TGFBR3: variants seen among roughly 807,000 people sequenced by gnomAD.
TGFBR3 encodes the protein transforming growth factor beta receptor type 3.
In TGFBR3, 46 loss-of-function variants were observed where a neutral mutation model predicts 87.9. The ratio of observed to expected loss-of-function variants is 0.52; its 90% CI spans 0.41 to 0.67. The LOEUF (loss-of-function observed/expected upper bound fraction) is 0.67. Among genes scored for constraint, TGFBR3 ranks in the 30% least tolerant of loss-of-function variants. The pLI, the probability that TGFBR3 is intolerant of heterozygous loss-of-function variation, is 0.00. For synonymous variants in TGFBR3, 381 were observed against 391.6 expected (o/e 0.97, Z 0.32); for missense variants, 866 against 1,041.9 (o/e 0.83, Z 2.32).
chr1:91,779,698 A>G (rs916869038), intron 3 of TGFBR3, among the ~76,000 whole-genome samples: 7 of 152,196 alleles, frequency 4.6e-5, no homozygotes, highest in Admixed American at 1.3e-4. Flanking sequence ...TGGGGAACAC[A>G]GGAGTAAACA....
intron 2 of TGFBR3, among the ~76,000 whole-genome samples, chr1:91,853,176 A>G (rs1462500550): frequency 6.6e-6 from 1 of 151,328 alleles, no homozygotes; most frequent in Non-Finnish European, 1.5e-5. Flanking sequence ...CAAATAAAAT[A>G]AAAATAAGAT....
chr1:91,873,282 C>CTTTTTTTT (rs34364302), intron 1 of TGFBR3, among the ~76,000 whole-genome samples: 1 of 100,948 alleles, frequency 9.9e-6, no homozygotes, highest in African/African-American at 3.7e-5. Flanking sequence ...ATTTTCCCTT[C>CTTTTTTTT]TTTTTTTTTT....
intron 1 of TGFBR3, among the ~76,000 whole-genome samples, chr1:91,905,035 T>C (rs747454518): frequency 9.2e-5 from 14 of 152,156 alleles, no homozygotes; most frequent in Non-Finnish European, 1.9e-4. Context: ...CAATCACACC[T>C]ACCTTTTAGG....
In TGFBR3 at chr1:91,720,161, G is replaced by T; in HGVS notation, c.1145C>A (p.Ala382Asp). 1 of 1,613,760 alleles carries T rather than the reference G, an allele frequency of 6.2e-7. No homozygotes were observed. The highest frequency in any genetic ancestry group is 8.5e-7 in the Non-Finnish European group (1 of 1,179,870). ...GGGCGGGTTCTGCAGGGCAGGCAGG[G>T]CACCAGGGTCCAGCAGGATCCGTAG... ...PELRILLDPG[A>D]LPALQNPPIR... Residue 382 changes from alanine (A) to aspartate (D), a missense_variant, in exon 9 of 17, where the codon GCC becomes GAC. Coordinates refer to ENST00000212355, the MANE Select transcript of TGFBR3 (RefSeq NM_003243.5).
At chr1:91,701,174 C>A (rs1333124251) in intron 14 of TGFBR3, among the ~76,000 whole-genome samples, 4 of 152,006 alleles carry the variant, frequency 2.6e-5, no homozygotes, top group Non-Finnish European at 5.9e-5. Context: ...TACCCCCACC[C>A]CAAATAGGAG....
At position 91,753,390 on chromosome 1, in the gene TGFBR3, CAAAAAA is replaced by C. The variant is rs71586711; in HGVS notation, c.384+5217_384+5222del. Among the ~76,000 whole-genome samples the C allele has an allele frequency of 9.3e-3, 485 of 52,318 alleles. 1 individual carries two copies. The highest frequency in any genetic ancestry group is 0.041 in the African/African-American group (457 of 11,238). 34.3% of individuals were successfully genotyped at this position (52,318 alleles called of 152,430 possible). A position where few individuals can be genotyped will look rare whatever the true frequency, so the allele number is the denominator to read the frequency against. ...GAGTAAGGGAGTGAGACTCTGTCCTCAAAAAAAAAAAAAAAAAAAAAAAAAAAAGTG... is the reference window on the plus strand; with the variant it reads ...GAGTAAGGGAGTGAGACTCTGTCCTCAAAAAAAAAAAAAAAAAAAAAAGTG... On this transcript the variant is annotated intron_variant, in intron 4 of 16. Coordinates refer to ENST00000212355, the MANE Select transcript of TGFBR3 (RefSeq NM_003243.5).
At chr1:91,750,705 A>C (rs1328617917) in intron 4 of TGFBR3, among the ~76,000 whole-genome samples, 1 of 152,210 alleles carries the variant, frequency 6.6e-6, no homozygotes, top group East Asian at 1.9e-4. Flanking sequence ...TATCTGGGGA[A>C]AGACCTCACT....
chr1:91,739,928 A>C (rs1673103483), intron 4 of TGFBR3, among the ~76,000 whole-genome samples: 1 of 152,188 alleles, frequency 6.6e-6, no homozygotes, highest in African/African-American at 2.4e-5. Context: ...ACTTTTAAAT[A>C]ACCAGATCTC....
At chr1:91,712,039 G>T (rs78105257) in intron 13 of TGFBR3, among the ~76,000 whole-genome samples, 1 of 152,140 alleles carries the variant, frequency 6.6e-6, no homozygotes, top group Admixed American at 6.5e-5. Context: ...TAAGTAGCAC[G>T]CATGGAAAAA....
intron 6 of TGFBR3, among the ~76,000 whole-genome samples, chr1:91,728,570 G>C (rs1342032693): frequency 6.6e-6 from 1 of 152,072 alleles, no homozygotes; most frequent in Non-Finnish European, 1.5e-5. Flanking sequence ...TTCCATCTCA[G>C]CTTTACACAC....
chr1:91,742,014 T>C (rs1673176287), intron 4 of TGFBR3, among the ~76,000 whole-genome samples: 1 of 152,088 alleles, frequency 6.6e-6, no homozygotes, highest in Non-Finnish European at 1.5e-5. Flanking sequence ...CAAGAACTAC[T>C]CACAGTTGTA....
chr1:91,703,253 A>C (rs939040455), intron 14 of TGFBR3, among the ~76,000 whole-genome samples: 4 of 152,056 alleles, frequency 2.6e-5, no homozygotes, highest in Admixed American at 6.5e-5. Flanking sequence ...GGAAAGATCA[A>C]ATGTGTTCCA....
At chr1:91,832,666 C>G (rs12089918) in intron 2 of TGFBR3, among the ~76,000 whole-genome samples, 33,678 of 151,950 alleles carry the variant, frequency 0.22, 3,846 homozygotes, top group East Asian at 0.35. Flanking sequence ...GGCAGTCCAG[C>G]CTCCTGGGTT....
At chr1:91,840,773 CTGT>C (rs902357467) in intron 2 of TGFBR3, among the ~76,000 whole-genome samples, 2 of 151,818 alleles carry the variant, frequency 1.3e-5, no homozygotes, top group African/African-American at 4.8e-5. Context: ...GCAACAAATA[CTGT>C]TGTTTTCCTT....
At chr1:91,804,340 C>G (rs1251307303) in intron 2 of TGFBR3, among the ~76,000 whole-genome samples, 1 of 152,198 alleles carries the variant, frequency 6.6e-6, no homozygotes, top group African/African-American at 2.4e-5. Context: ...GGCCAATCCC[C>G]TCTCTCCAGG....
In TGFBR3 at chr1:91,683,530, ACAGAAG is replaced by A; in HGVS notation, c.*203_*208del. 1.4e-6 allele frequency: 1 copy of A among 695,416 alleles called. No individual in the cohort carries two copies. Among genetic ancestry groups the A allele is most frequent in the African/African-American group, 1.7e-5 (1 of 57,236 alleles). 43.1% of individuals were successfully genotyped at this position (695,416 alleles called of 1,614,324 possible). On this transcript the variant is annotated 3_prime_UTR_variant, in exon 17 of 17. Transcript: ENST00000212355. ...TTTCTCACATGAATTCTAGTGTGGT[ACAGAAG>A]CCCAGGGTCATGTTTATACTAGCCC...
rs17882919 is a variant in TGFBR3, at chr1:91,880,829, C to G, written c.-114+5049G>C. On this transcript the variant is annotated intron_variant, in intron 1 of 16. Coordinates refer to ENST00000212355, the MANE Select transcript of TGFBR3 (RefSeq NM_003243.5). ...AGGAGTTCGAGACCAGCCGAGGCAACATAGTAAGACTCTGTCTCAAAATAT... is the reference window on the plus strand; with the variant it reads ...AGGAGTTCGAGACCAGCCGAGGCAAGATAGTAAGACTCTGTCTCAAAATAT... 1.8e-4 allele frequency among the ~76,000 whole-genome samples: 27 copies of G among 150,330 alleles called. No homozygotes were observed. The East Asian group carries it at 2.7e-3, about 15-fold the overall frequency.
At chr1:91,883,386 A>G (rs1223721319) in intron 1 of TGFBR3, among the ~76,000 whole-genome samples, 2 of 152,188 alleles carry the variant, frequency 1.3e-5, no homozygotes, top group African/African-American at 2.4e-5. Context: ...AGTTCTTGAC[A>G]TATATTCAAC....
At position 91,680,636 on chromosome 1, in the gene TGFBR3, A is replaced by G. The variant is rs1244729635; in HGVS notation, c.*3103T>C. 1 of 453,984 alleles carries G rather than the reference A, an allele frequency of 2.2e-6. No homozygotes were observed. The highest frequency in any genetic ancestry group is 2.0e-5 in the African/African-American group (1 of 49,996). 28.1% of individuals were successfully genotyped at this position (453,984 alleles called of 1,614,324 possible). On this transcript the variant is annotated 3_prime_UTR_variant, in exon 17 of 17. Transcript: ENST00000212355. ...TAGAAAAACATCTGTCAGTTTCATG[A>G]ACAACCCCCAGATAAAACAAACATG...
Sources: gnomAD v4.1 joint callset for allele counts (sites outside exome capture counted in the v4.1 genomes callset) on GRCh38, gnomAD v4.1.1 for gene constraint, MANE v1.5 for transcripts, NCBI Gene and HGNC (gene_info 2026-07-23, HGNC 2026-07-21) for gene names.